Variants in APOB observed in about 807,000 individuals in gnomAD.
APOB encodes the protein apolipoprotein B-100.
A neutral mutation model predicts 314.1 loss-of-function variants in APOB; 153 were observed. The observed-to-expected ratio is 0.49, with a 90% CI of 0.43 to 0.56. APOB has a LOEUF of 0.56. APOB is among the 20% of genes least tolerant of loss of function. APOB has a pLI of 0.00. For synonymous variants in APOB, 2,087 were observed against 2,036.4 expected, an observed-to-expected ratio of 1.02 and a Z score of -0.67; for missense variants, 5,430 against 5,350.7, an observed-to-expected ratio of 1.01 and a Z score of -0.46.
intron 9 of APOB, 21 bp downstream of exon 9, chr2:21,033,278 T>C: frequency 6.3e-7 from 1 of 1,597,660 alleles, no homozygotes; most frequent in Non-Finnish European, 8.6e-7. Flanking sequence ...TATAAAAAGT[T>C]GAGCTGTAAC....
intron 20 of APOB, among the ~76,000 whole-genome samples, chr2:21,017,973 A>G (rs538000227): frequency 1.5e-4 from 23 of 152,168 alleles, no homozygotes; most frequent in African/African-American, 5.5e-4. Context: ...TTTTTTTCCA[A>G]AGTGAACACC....
rs763538965 is a variant in APOB, at chr2:21,024,915, T to C, written c.2436+18A>G. On this transcript the variant is annotated intron_variant, in intron 16 of 28. Transcript: ENST00000233242. ...AACGTCTGGTCTCATGGGCCCCCAG[T>C]GGGGCCTGCTGACTTACCATCTGGG... is the stretch of plus-strand genomic sequence containing the variant. The C allele has an allele frequency of 6.2e-7, 1 of 1,613,300 alleles. No individual in the cohort carries two copies. The highest frequency in any genetic ancestry group is 8.5e-7 in the Non-Finnish European group (1 of 1,179,544).
intron 12 of APOB, 149 bp downstream of exon 12, chr2:21,029,490 A>T (rs1306960044): frequency 2.4e-6 from 2 of 843,012 alleles, no homozygotes; most frequent in African/African-American, 1.8e-5. Context: ...AAAGGGAGGG[A>T]GGGAGGAAGG....
Position 21,036,887 on chromosome 2 carries a change from G to T in APOB, c.693+213C>A, listed in dbSNP as rs528633717. Among the ~76,000 whole-genome samples the T allele has an allele frequency of 1.3e-5, 2 of 152,256 alleles. 1 individual carries two copies. Among genetic ancestry groups the T allele is most frequent in the South Asian group, 4.1e-4 (2 of 4,824 alleles). On this transcript the variant is annotated intron_variant, in intron 6 of 28. Transcript: ENST00000233242. ...GAAAGACAGAGCTCTGGGCTGGGAG[G>T]GAGGAGCCTGACTCAAGCCTTGGCT...
intron 18 of APOB, among the ~76,000 whole-genome samples, chr2:21,021,140 A>C (rs571938001): frequency 6.6e-6 from 1 of 152,240 alleles, no homozygotes; most frequent in Admixed American, 6.5e-5. Context: ...CATCAAATAC[A>C]GCACATCCAA....
At chr2:21,022,619 T>C (rs1384366151) in intron 18 of APOB, among the ~76,000 whole-genome samples, 1 of 152,190 alleles carries the variant, frequency 6.6e-6, no homozygotes, top group East Asian at 1.9e-4. Context: ...TTTAGTAAAA[T>C]GTGAAAAGTA....
At position 21,015,584 on chromosome 2, in the gene APOB, C is replaced by T. The variant is rs1180916055; in HGVS notation, c.3333-39G>A. The T allele has an allele frequency of 1.9e-6, 3 of 1,597,562 alleles. No individual in the cohort carries two copies. The South Asian group carries it at 3.3e-5, about 18-fold the overall frequency. ...AATCAGTTGGCACCAATGATTTTGT[C>T]CTTTCAATGGAGATATGCAGGATTA... is the stretch of plus-strand genomic sequence containing the variant. On this transcript the variant is annotated intron_variant, in intron 21 of 28. Transcript: ENST00000233242.
In APOB at chr2:21,005,810, A is replaced by G. The variant is rs747685513; in HGVS notation, c.11058T>C (p.Asp3686=). ...TGGTGGTTACATCCAGCTTTAGGAAATCCCATAAGCTCTTGTCATAGACTG... is the reference window on the plus strand; with the variant it reads ...TGGTGGTTACATCCAGCTTTAGGAAGTCCCATAAGCTCTTGTCATAGACTG... ...ILPVYDKSLW[D]FLKLDVTTSI... Residue 3686 remains aspartate (D), a synonymous_variant, in exon 26 of 29, where the codon GAT becomes GAC. Transcript: ENST00000233242. The G allele has an allele frequency of 6.2e-7, 1 of 1,614,076 alleles. No homozygotes were observed. Among genetic ancestry groups the G allele is most frequent in the Non-Finnish European group, 8.5e-7 (1 of 1,179,968 alleles).
intron 18 of APOB, among the ~76,000 whole-genome samples, chr2:21,021,250 T>G (rs1291238225): frequency 6.6e-6 from 1 of 152,194 alleles, no homozygotes; most frequent in Non-Finnish European, 1.5e-5. Flanking sequence ...TCTTTTGCCT[T>G]GTCCCCATAC....
rs1456876458 is a variant in APOB, at chr2:21,008,303, GT to G, written c.8564del (p.Asn2855ThrfsTer19). ...TTTCTGTGTGTAAACTTGCCACTGT[GT>G]TTGATTTTCCCTCAATAGCATTTCC... ...FFGNAIEGKS[N>X]TVASLHTEKN... On this transcript the variant is annotated frameshift_variant, in exon 26 of 29. Coordinates refer to ENST00000233242, the MANE Select transcript of APOB (RefSeq NM_000384.3). LOFTEE classifies it high-confidence loss of function. 1 of 1,613,302 alleles carries G rather than the reference GT, an allele frequency of 6.2e-7. No homozygotes were observed.
Position 21,005,300 on chromosome 2 carries a change from G to C in APOB, c.11568C>G (p.Ile3856Met), listed in dbSNP as rs542175556. Residue 3856 changes from isoleucine (I) to methionine (M), a missense_variant, in exon 26 of 29, where the codon ATC (isoleucine) becomes ATG (methionine). Ile to Met is a conservative substitution (Grantham distance 10). This residue lies in a region of APOB where 3,281 missense variants were observed against 3,171.0 expected (regional missense o/e 1.03). Coordinates refer to ENST00000233242, the MANE Select transcript of APOB (RefSeq NM_000384.3). Reference sequence around the variant, plus strand: ...GAATCTCAATGGTCTGCTCAGGCACGATGATGGTGGGCAACTCAAAGTCTG... The same window carrying C: ...GAATCTCAATGGTCTGCTCAGGCACCATGATGGTGGGCAACTCAAAGTCTG... ...KIADFELPTI[I>M]VPEQTIEIPS... 2 of 1,614,042 alleles carry C rather than the reference G, an allele frequency of 1.2e-6. No individual in the cohort carries two copies. The highest frequency in any genetic ancestry group is 1.7e-5 in the Admixed American group (1 of 60,008).
At position 21,009,123 on chromosome 2, in the gene APOB, T is replaced by C; in HGVS notation, c.7745A>G (p.Glu2582Gly). The C allele has an allele frequency of 6.2e-7, 1 of 1,614,068 alleles. No individual in the cohort carries two copies. Among genetic ancestry groups the C allele is most frequent in the Non-Finnish European group, 8.5e-7 (1 of 1,179,944 alleles). Residue 2582 changes from glutamate (E) to glycine (G), a missense_variant, in exon 26 of 29, where the codon GAG (glutamate) becomes GGG (glycine). Physicochemically the swap from Glu to Gly is moderately conservative, Grantham distance 98 (BLOSUM62 -2). Around this residue, in one of 3 missense-constraint regions of APOB, gnomAD observed 3,281 missense variants for 3,171.0 expected, o/e 1.03. Transcript: ENST00000233242. ...GATTTCAGGAACAGTGAACCCTTGC[T>C]CTACCAATGCTTTCATACGTTTAGC... ...DWAKRMKALV[E>G]QGFTVPEIKT...
intron 17 of APOB, among the ~76,000 whole-genome samples, chr2:21,023,314 T>G (rs1181203031): frequency 2.0e-5 from 3 of 152,102 alleles, no homozygotes; most frequent in Admixed American, 6.6e-5. Flanking sequence ...GAGAACTGAG[T>G]TCTTGTCTTA....
Position 21,015,217 on chromosome 2 carries a change from T to C in APOB, c.3552A>G (p.Val1184=), listed in dbSNP as rs1572787742. The C allele has an allele frequency of 6.2e-7, 1 of 1,614,236 alleles. No individual in the cohort carries two copies. Among genetic ancestry groups the C allele is most frequent in the Non-Finnish European group, 8.5e-7 (1 of 1,180,034 alleles). ...AATTGGAAGTCATTTTTTTGGTATC[T>C]ACATTGGTGCCTGTGTTCCATTCAA... is the stretch of plus-strand genomic sequence containing the variant. ...IEFEWNTGTN[V]DTKKMTSNFP... is the part of the protein sequence containing the mutation. Residue 1184 remains valine (V), a synonymous_variant, in exon 23 of 29, where the codon GTA becomes GTG. Coordinates refer to ENST00000233242, the MANE Select transcript of APOB (RefSeq NM_000384.3).
Position 21,005,169 on chromosome 2 carries a change from G to T in APOB, c.11699C>A (p.Ala3900Asp). Residue 3900 changes from alanine to aspartate, a missense_variant, in exon 26 of 29, where the codon GCC becomes GAC. Around this residue, in one of 3 missense-constraint regions of APOB, gnomAD observed 3,281 missense variants for 3,171.0 expected, o/e 1.03. Transcript: ENST00000233242. ...ATAATCTGCTTTGTTTTTCAAACTG[G>T]CACTCCAAGTGGCATTATACACGGG... Reference protein sequence around the residue: ...DSPVYNATWSASLKNKADYVE... With the variant: ...DSPVYNATWSDSLKNKADYVE... The T allele has an allele frequency of 6.2e-7, 1 of 1,613,980 alleles. No homozygotes were observed. The highest frequency in any genetic ancestry group is 8.5e-7 in the Non-Finnish European group (1 of 1,179,924).
chr2:21,014,980 C>T lies in APOB; in HGVS notation c.3696+93G>A, dbSNP rs78580569. ...TGGGGGGAAGGAAGCATGCCTTATACATCTTTGGAAACCTTCCTGCACCTA... is the reference window on the plus strand; with the variant it reads ...TGGGGGGAAGGAAGCATGCCTTATATATCTTTGGAAACCTTCCTGCACCTA... On this transcript the variant is annotated intron_variant, in intron 23 of 28. Transcript: ENST00000233242. 2.7e-4 allele frequency: 359 copies of T among 1,325,098 alleles called. No individual in the cohort carries two copies. The African/African-American group carries it at 4.9e-3, about 18-fold the overall frequency. The allele number at this position is 1,325,098 out of a possible 1,614,324, so 82.1% of individuals were successfully genotyped here.
chr2:21,017,141 T>C lies in APOB; in HGVS notation c.3122-492A>G, dbSNP rs975032067. Reference sequence around the variant, plus strand: ...AACACAGTTCAGGATTTTACTGAATTTTTTTTTTCTCATTAAAATTTTTTA... The same window carrying C: ...AACACAGTTCAGGATTTTACTGAATCTTTTTTTTCTCATTAAAATTTTTTA... On this transcript the variant is annotated intron_variant, in intron 20 of 28. Coordinates refer to ENST00000233242, the MANE Select transcript of APOB (RefSeq NM_000384.3). Among the ~76,000 whole-genome samples, 2 of 151,498 alleles carry C rather than the reference T, an allele frequency of 1.3e-5. 1 individual carries two copies. Among genetic ancestry groups the C allele is most frequent in the South Asian group, 4.2e-4 (2 of 4,792 alleles).
chr2:21,026,109 TAA>T (rs1473010493), intron 15 of APOB, among the ~76,000 whole-genome samples: 1 of 152,250 alleles, frequency 6.6e-6, no homozygotes, highest in Non-Finnish European at 1.5e-5. Flanking sequence ...TCATTGTCTT[TAA>T]ATAACCTTGT....
intron 21 of APOB, among the ~76,000 whole-genome samples, chr2:21,016,067 A>G (rs1026027495): frequency 6.6e-6 from 1 of 152,172 alleles, no homozygotes; most frequent in African/African-American, 2.4e-5. Context: ...AGGCAGGTGG[A>G]TCACGAGGTC....
Sources: gnomAD v4.1 joint callset for allele counts (sites outside exome capture counted in the v4.1 genomes callset) on GRCh38, gnomAD v4.1.1 for gene constraint, gnomAD v4.1.1 regional missense constraint, MANE v1.5 for transcripts, NCBI Gene and HGNC (gene_info 2026-07-23, HGNC 2026-07-21) for gene names.